NYAP2: variants seen among roughly 807,000 people sequenced by gnomAD.
NYAP2 encodes the protein neuronal tyrosine-phosphorylated phosphoinositide-3-kinase adaptor 2.
NYAP2 carries 23 observed loss-of-function variants against 50.4 expected under a neutral mutation model. That is an observed-to-expected ratio of 0.46 (90% CI 0.33 to 0.65). The LOEUF is 0.65. NYAP2 is among the 30% of genes least tolerant of loss of function. The probability of loss-of-function intolerance (pLI) is 0.02; values close to 1 mark genes in which losing one functional copy is unlikely to be tolerated. For missense variants in NYAP2, 885 were observed against 861.0 expected, an observed-to-expected ratio of 1.03 and a Z score of -0.35; for synonymous variants, 394 against 365.2, an observed-to-expected ratio of 1.08 and a Z score of -0.90.
intron 3 of NYAP2, among the ~76,000 whole-genome samples, chr2:225,446,216 GTC>G (rs1271105292): frequency 3.0e-4 from 21 of 69,650 alleles, no homozygotes; most frequent in African/African-American, 3.9e-4. Context: ...CTGTCTGTCT[GTC>G]TCTCTCTCTC....
intron 3 of NYAP2, among the ~76,000 whole-genome samples, chr2:225,432,185 C>T (rs915207545): frequency 3.7e-5 from 5 of 133,904 alleles, no homozygotes; most frequent in Non-Finnish European, 7.7e-5. Context: ...TTAGGAGAGA[C>T]GGGGTTTCAA....
chr2:225,574,282 G>A (rs146235154), intron 4 of NYAP2, among the ~76,000 whole-genome samples: 213 of 152,240 alleles, frequency 1.4e-3, no homozygotes, highest in African/African-American at 4.7e-3. Flanking sequence ...GTACAGTCTC[G>A]TTCAAACAGT....
intron 3 of NYAP2, among the ~76,000 whole-genome samples, chr2:225,502,753 G>A (rs1311224357): frequency 1.3e-5 from 2 of 152,112 alleles, no homozygotes; most frequent in African/African-American, 4.8e-5. Context: ...GTGGTTGTTA[G>A]GGCCCCAGGA....
At chr2:225,645,897 C>T (rs199746402) in intron 6 of NYAP2, among the ~76,000 whole-genome samples, 1 of 43,804 alleles carries the variant, frequency 2.3e-5, no homozygotes, top group African/African-American at 8.7e-5. Flanking sequence ...TTTAGATGCA[C>T]AGATCCTAAA....
intron 5 of NYAP2, among the ~76,000 whole-genome samples, chr2:225,613,026 G>C (rs990742965): frequency 1.3e-5 from 2 of 152,132 alleles, no homozygotes; most frequent in Non-Finnish European, 2.9e-5. Flanking sequence ...GAACTAGTAG[G>C]ATATTTGAAC....
intron 3 of NYAP2, among the ~76,000 whole-genome samples, chr2:225,444,873 G>C (rs527644012): frequency 3.0e-4 from 46 of 152,250 alleles, no homozygotes; most frequent in African/African-American, 1.1e-3. Context: ...TTGTGCTATT[G>C]ATCAGTGCCT....
chr2:225,560,020 A>T (rs1691845091), intron 4 of NYAP2, among the ~76,000 whole-genome samples: 1 of 152,106 alleles, frequency 6.6e-6, no homozygotes. Flanking sequence ...TTATTTTAAA[A>T]GTAAAGCCTC....
rs576903340 is a variant in NYAP2 at position 225,531,342 on chromosome 2, C to T, written c.523+17670C>T. Among the ~76,000 whole-genome samples the T allele has an allele frequency of 3.3e-5, 5 of 152,310 alleles. No homozygotes were observed. The East Asian group carries it at 7.7e-4, about 23-fold the overall frequency. On this transcript the variant is annotated intron_variant, in intron 4 of 6. Transcript: ENST00000636099. Reference sequence around the variant, plus strand: ...CTCTGCAACAAATTTCCACTCATCCCTCAAGGAACAGGGTCAACTACCTTC... The same window carrying T: ...CTCTGCAACAAATTTCCACTCATCCTTCAAGGAACAGGGTCAACTACCTTC...
chr2:225,662,180 A>T, the NYAP2 span, among the ~76,000 whole-genome samples: 1 of 152,254 alleles, frequency 6.6e-6, no homozygotes, highest in African/African-American at 2.4e-5. Flanking sequence ...CAGAGTGCCA[A>T]CCAAGAGCAA....
intron 5 of NYAP2, among the ~76,000 whole-genome samples, chr2:225,587,443 G>A (rs575331353): frequency 2.0e-5 from 3 of 152,244 alleles, no homozygotes; most frequent in African/African-American, 7.2e-5. Flanking sequence ...ATGCACGCCC[G>A]GGGCAGAAGG....
chr2:225,523,980 T>C (rs1691109937), intron 4 of NYAP2, among the ~76,000 whole-genome samples: 1 of 152,156 alleles, frequency 6.6e-6, no homozygotes, highest in Non-Finnish European at 1.5e-5. Context: ...TTAATGCTTC[T>C]GGGAAAATTG....
chr2:225,510,129 G>T (rs1025070280), intron 3 of NYAP2, among the ~76,000 whole-genome samples: 1 of 152,206 alleles, frequency 6.6e-6, no homozygotes, highest in Admixed American at 6.5e-5. Flanking sequence ...AGCCACAGTT[G>T]ATGTGCATTC....
At chr2:225,688,090 T>A in the NYAP2 span, among the ~76,000 whole-genome samples, 1 of 152,140 alleles carries the variant, frequency 6.6e-6, no homozygotes, top group African/African-American at 2.4e-5. Flanking sequence ...ATACTAAGGC[T>A]TAGGGAGCAT....
intron 4 of NYAP2, among the ~76,000 whole-genome samples, chr2:225,548,336 C>T (rs183614370): frequency 8.1e-5 from 12 of 148,504 alleles, no homozygotes; most frequent in Admixed American, 1.4e-4. Context: ...ATACTAGATA[C>T]GCAAAATTCT....
chr2:225,620,573 AT>A (rs1042221779), intron 5 of NYAP2, among the ~76,000 whole-genome samples: 2 of 152,124 alleles, frequency 1.3e-5, no homozygotes, highest in African/African-American at 4.8e-5. Flanking sequence ...TTTCTTACAG[AT>A]TTTTCAGCTC....
chr2:225,581,888 TGAAAAC>T, intron 4 of NYAP2, 47 bp from the exon 5 acceptor site: 2 of 1,515,344 alleles, frequency 1.3e-6, no homozygotes, highest in Admixed American at 2.1e-5. Context: ...AAATCATTTT[TGAAAAC>T]TTTCCTATTA....
chr2:225,485,320 C>A (rs570818190), intron 3 of NYAP2, among the ~76,000 whole-genome samples: 1 of 152,180 alleles, frequency 6.6e-6, no homozygotes, highest in African/African-American at 2.4e-5. Context: ...TCAATTAAAC[C>A]TCTTTCCCTT....
chr2:225,424,034 A>G (rs1018007927), intron 3 of NYAP2, among the ~76,000 whole-genome samples: 1 of 152,150 alleles, frequency 6.6e-6, no homozygotes. Flanking sequence ...ATGAAATGTA[A>G]TATCATGAAT....
At chr2:225,468,265 A>G (rs1389193485) in intron 3 of NYAP2, among the ~76,000 whole-genome samples, 2 of 152,232 alleles carry the variant, frequency 1.3e-5, no homozygotes, top group Non-Finnish European at 2.9e-5. Context: ...GACAGACACG[A>G]AGAGGAAAAA....
Sources: gnomAD v4.1 joint callset for allele counts (sites outside exome capture counted in the v4.1 genomes callset) on GRCh38, gnomAD v4.1.1 for gene constraint, MANE v1.5 for transcripts, NCBI Gene and HGNC (gene_info 2026-07-23, HGNC 2026-07-21) for gene names.